ZNF695: variants seen among roughly 807,000 people sequenced by gnomAD.
ZNF695 encodes zinc finger protein 695.
Under a neutral mutation model 11.2 loss-of-function variants are expected in ZNF695, and 11 were observed. The observed-to-expected ratio is 0.98, with a 90% CI of 0.62 to 1.62. The LOEUF (loss-of-function observed/expected upper bound fraction) is 1.62, where lower values mean the gene tolerates loss of function less well. Ranked by LOEUF, ZNF695 falls within the 40% of genes most tolerant of loss-of-function variation. The pLI is 0.00. For missense variants in ZNF695, 559 were observed against 590.5 expected, an observed-to-expected ratio of 0.95 and a Z score of 0.55; for synonymous variants, 190 against 201.4, an observed-to-expected ratio of 0.94 and a Z score of 0.48.
chr1:246,958,347 T>C lies in ZNF695; in HGVS notation c.488+9348A>G, dbSNP rs371520547. ...TGCTGGGATTACAGGCGTGAGCCAC[T>C]GCACCCAGCCGGGACTTGTCTTATG... On this transcript the variant is annotated intron_variant, in intron 5 of 5. Transcript: ENST00000487338. 2.9e-3 allele frequency among the ~76,000 whole-genome samples: 439 copies of C among 151,974 alleles called. 4 individuals are homozygous for C. The highest frequency in any genetic ancestry group is 4.1e-3 in the Non-Finnish European group (277 of 68,010).
At chr1:246,977,862 C>T (rs1668608963) in intron 4 of ZNF695, among the ~76,000 whole-genome samples, 1 of 152,178 alleles carries the variant, frequency 6.6e-6, no homozygotes, top group Non-Finnish European at 1.5e-5. Context: ...TGGTCTACAC[C>T]TGGTCATTGT....
downstream of ZNF695, among the ~76,000 whole-genome samples, chr1:246,981,085 T>C (rs1668699214): frequency 6.6e-6 from 1 of 152,232 alleles, no homozygotes; most frequent in South Asian, 2.1e-4. Flanking sequence ...AATATCTAAA[T>C]ATGTTTTTCA....
intron 3 of ZNF695, among the ~76,000 whole-genome samples, 161 bp downstream of exon 3, chr1:246,999,187 A>G (rs1354976624): frequency 1.3e-5 from 2 of 152,158 alleles, no homozygotes; most frequent in East Asian, 3.9e-4. Flanking sequence ...ATTTAACAGC[A>G]TGAGATAGAA....
At chr1:246,966,905 A>G (rs1668304752) in intron 5 of ZNF695, 2 of 447,792 alleles carry the variant, frequency 4.5e-6, no homozygotes, top group Non-Finnish European at 8.9e-6. Flanking sequence ...GAGGAGTTAC[A>G]TATTAAATAA....
At chr1:246,970,957 T>G (rs1668409065) in intron 4 of ZNF695, among the ~76,000 whole-genome samples, 1 of 152,096 alleles carries the variant, frequency 6.6e-6, no homozygotes, top group African/African-American at 2.4e-5. Flanking sequence ...GTTTTTCTCC[T>G]TGTGTGCAGA....
chr1:247,007,033 G>A (rs1669560185), intron 1 of ZNF695, among the ~76,000 whole-genome samples: 1 of 152,118 alleles, frequency 6.6e-6, no homozygotes, highest in Non-Finnish European at 1.5e-5. Context: ...TCCAAATAAG[G>A]TGACTGCATA....
chr1:247,001,605 C>T (rs150281477), intron 1 of ZNF695, among the ~76,000 whole-genome samples: 3,088 of 149,810 alleles, frequency 0.021, 112 homozygotes, highest in African/African-American at 0.072. Flanking sequence ...CCCAGCTACT[C>T]GGGAGGCTGA....
intron 4 of ZNF695, among the ~76,000 whole-genome samples, chr1:246,974,763 C>T (rs1668515808): frequency 1.3e-5 from 2 of 152,162 alleles, no homozygotes; most frequent in South Asian, 4.1e-4. Flanking sequence ...GGTAAGTTGA[C>T]ATTGTCTAGC....
At chr1:246,989,207 G>A (rs966578343) in intron 3 of ZNF695, among the ~76,000 whole-genome samples, 1 of 152,194 alleles carries the variant, frequency 6.6e-6, no homozygotes, top group East Asian at 1.9e-4. Flanking sequence ...GGAGGTTGTG[G>A]TGAGCCAAGA....
intron 4 of ZNF695, among the ~76,000 whole-genome samples, chr1:246,976,715 A>AC (rs1668574578): frequency 6.6e-6 from 1 of 152,048 alleles, no homozygotes; most frequent in African/African-American, 2.4e-5. Context: ...AATGGCATGA[A>AC]CCCGGGAGGC....
intron 5 of ZNF695, among the ~76,000 whole-genome samples, chr1:246,953,400 C>T (rs755815182): frequency 4.6e-5 from 7 of 151,426 alleles, no homozygotes; most frequent in Admixed American, 1.3e-4. Flanking sequence ...CGAGGTTAGG[C>T]GACCTAGACC....
chr1:246,974,378 C>T (rs1668506242), intron 4 of ZNF695, among the ~76,000 whole-genome samples: 2 of 152,048 alleles, frequency 1.3e-5, no homozygotes, highest in East Asian at 3.9e-4. Flanking sequence ...TTATGAGTCC[C>T]TCCAGAGCTA....
chr1:246,945,562 C>A, downstream of ZNF695: 1 of 498,570 alleles, frequency 2.0e-6, no homozygotes. Flanking sequence ...AATACATTTT[C>A]TTTTCTATTC....
intron 4 of ZNF695, among the ~76,000 whole-genome samples, chr1:246,976,735 A>T (rs987982275): frequency 6.6e-6 from 1 of 152,164 alleles, no homozygotes; most frequent in Non-Finnish European, 1.5e-5. Context: ...CAGAGCTTGC[A>T]GTGTGCTGAG....
chr1:246,975,822 A>T (rs567599981), intron 4 of ZNF695, among the ~76,000 whole-genome samples: 57 of 152,344 alleles, frequency 3.7e-4, no homozygotes, highest in Non-Finnish European at 7.6e-4. Flanking sequence ...AATCGAAGAC[A>T]ACTAAAACAA....
intron 1 of ZNF695, among the ~76,000 whole-genome samples, chr1:247,006,836 T>C (rs1669553719): frequency 6.6e-6 from 1 of 152,226 alleles, no homozygotes; most frequent in Non-Finnish European, 1.5e-5. Flanking sequence ...AGTGTTAGAA[T>C]ACTTAAATGG....
At chr1:246,962,176 A>G (rs1668178858) in intron 5 of ZNF695, among the ~76,000 whole-genome samples, 1 of 152,228 alleles carries the variant, frequency 6.6e-6, no homozygotes, top group East Asian at 1.9e-4. Context: ...AATGAAGGAG[A>G]GGCTGCTGAC....
Position 246,987,554 on chromosome 1 carries a change from C to G in ZNF695, c.961G>C (p.Glu321Gln). The change falls in exon 4 of 4, where the codon GAG (glutamate) becomes CAG (glutamine). Residue 321 changes from glutamate (E) to glutamine (Q), a missense_variant. Transcript: ENST00000339986. Reference protein sequence around the residue: ...LTQHKRIHSREKPYKCEECGK... With the variant: ...LTQHKRIHSRQKPYKCEECGK... Reference sequence around the variant, plus strand: ...CATTCTTCACACTTGTAGGGTTTCTCTCTACTATGAATTCTCTTGTGTTGA... The same window carrying G: ...CATTCTTCACACTTGTAGGGTTTCTGTCTACTATGAATTCTCTTGTGTTGA... 4.4e-6 allele frequency: 7 copies of G among 1,599,808 alleles called. No individual in the cohort carries two copies. The highest frequency in any genetic ancestry group is 6.0e-6 in the Non-Finnish European group (7 of 1,174,306).
intron 3 of ZNF695, among the ~76,000 whole-genome samples, chr1:246,991,598 C>T (rs10802459): frequency 0.85 from 129,582 of 152,186 alleles, 55,498 homozygotes; most frequent in East Asian, 0.99. Flanking sequence ...CAGTTAAAAT[C>T]ACTTATATCC....
Sources: allele counts gnomAD v4.1 joint callset (sites outside exome capture counted in the v4.1 genomes callset), GRCh38; gene constraint gnomAD v4.1.1; transcripts MANE v1.5; gene names NCBI Gene and HGNC (gene_info 2026-07-23, HGNC 2026-07-21).